Variants in IGDCC4 observed in about 807,000 individuals in gnomAD.
The protein encoded by IGDCC4 is immunoglobulin superfamily DCC subclass member 4.
Under a neutral mutation model 116.6 loss-of-function variants are expected in IGDCC4, and 72 were observed. That is an observed-to-expected ratio of 0.62 (90% CI 0.51 to 0.75). IGDCC4 has a LOEUF of 0.75. Ranked by LOEUF, IGDCC4 falls within the 30% of genes least tolerant of loss-of-function variation. The pLI is 0.00. For missense variants in IGDCC4, 1,501 were observed against 1,662.4 expected (o/e 0.90, Z 1.69); for synonymous variants, 709 against 719.9 (o/e 0.98, Z 0.24).
In IGDCC4 at chr15:65,394,524, G is replaced by A. The variant is rs765248585; in HGVS notation, c.1601C>T (p.Ser534Phe). The A allele has an allele frequency of 8.7e-6, 14 of 1,609,958 alleles. No individual in the cohort carries two copies. Among genetic ancestry groups the A allele is most frequent in the Non-Finnish European group, 1.2e-5 (14 of 1,177,784 alleles). ...DDVPSAAPQLSLSSPNPSDIR... is the reference protein window; with the variant it reads ...DDVPSAAPQLFLSSPNPSDIR... ...GTCCGAAGGGTTGGGGCTGGACAGG[G>A]AGAGCTGGGGTGCTGCACTGGGGAC... The change falls in exon 9 of 20, where the codon TCC becomes TTC. Residue 534 changes from serine to phenylalanine, a missense_variant. Physicochemically the swap from Ser to Phe is radical, Grantham distance 155 (BLOSUM62 -2). This residue lies in a region of IGDCC4 where 898 missense variants were observed against 978.9 expected (regional missense o/e 0.92). Transcript: ENST00000352385.
chr15:65,388,681 C>G, intron 15 of IGDCC4, 95 bp from the exon 16 acceptor site: 9 of 1,592,984 alleles, frequency 5.6e-6, no homozygotes, highest in Non-Finnish European at 7.7e-6. Context: ...CTGCTCTCCA[C>G]TTAGGCAGCA....
In IGDCC4 at chr15:65,394,563, C is replaced by T. The variant is rs780755155; in HGVS notation, c.1577-15G>A. ...TGCACTGGGGACTGAGACAGAAGAA[C>T]ATCAGCATGAGCTCTGCTCCACCGA... On this transcript the variant is annotated splice_polypyrimidine_tract_variant and intron_variant, in intron 8 of 19. Coordinates refer to ENST00000352385, the MANE Select transcript of IGDCC4 (RefSeq NM_020962.3). 2 of 1,586,214 alleles carry T rather than the reference C, an allele frequency of 1.3e-6. No individual in the cohort carries two copies.
chr15:65,405,307 G>T (rs1353201553), intron 3 of IGDCC4, among the ~76,000 whole-genome samples: 2 of 121,370 alleles, frequency 1.6e-5, no homozygotes, highest in South Asian at 2.5e-4. Flanking sequence ...CCTGTTAAGT[G>T]GGTTTTTTTT....
At position 65,391,866 on chromosome 15, in the gene IGDCC4, C is replaced by T. The variant is rs1278981129; in HGVS notation, c.2224+14G>A. ...ACCTGAGCCCTCCCCGCCTTCTTCC[C>T]CCACCGCCCTCACCTGGTGCCGGCG... On this transcript the variant is annotated intron_variant, in intron 12 of 19. Coordinates refer to ENST00000352385, the MANE Select transcript of IGDCC4 (RefSeq NM_020962.3). 3.7e-6 allele frequency: 6 copies of T among 1,610,462 alleles called. No individual in the cohort carries two copies. The highest frequency in any genetic ancestry group is 5.1e-6 in the Non-Finnish European group (6 of 1,177,998).
chr15:65,399,020 T>C (rs565949646), intron 5 of IGDCC4, among the ~76,000 whole-genome samples: 24 of 152,310 alleles, frequency 1.6e-4, no homozygotes, highest in Non-Finnish European at 2.6e-4. Flanking sequence ...CTTCTCTTCC[T>C]AGGTGTCAGG....
chr15:65,387,366 T>C (rs1183556789), intron 16 of IGDCC4, among the ~76,000 whole-genome samples: 2 of 152,024 alleles, frequency 1.3e-5, no homozygotes, highest in African/African-American at 4.8e-5. Flanking sequence ...TTTTTGTTTT[T>C]GAGACGGAGT....
At chr15:65,387,984 G>A (rs935054786) in intron 16 of IGDCC4, among the ~76,000 whole-genome samples, 12 of 151,966 alleles carry the variant, frequency 7.9e-5, no homozygotes, top group African/African-American at 2.7e-4. Context: ...GGTGGCTCAC[G>A]CCTGTAATCC....
At chr15:65,416,541 G>A (rs765141493) in intron 1 of IGDCC4, among the ~76,000 whole-genome samples, 1 of 152,102 alleles carries the variant, frequency 6.6e-6, no homozygotes, top group African/African-American at 2.4e-5. Context: ...GCGATGCTCT[G>A]GGGAGGGGAC....
At chr15:65,410,423 C>CCCGCATGG in intron 2 of IGDCC4, 104 bp from the exon 3 acceptor site, 2 of 1,390,124 alleles carry the variant, frequency 1.4e-6, no homozygotes, top group East Asian at 2.4e-5. Flanking sequence ...CAGAAACACA[C>CCCGCATGG]AGTCACAGAA....
intron 6 of IGDCC4, 62 bp from the exon 7 acceptor site, chr15:65,396,225 C>A (rs1282569780): frequency 3.6e-6 from 5 of 1,383,502 alleles, no homozygotes; most frequent in Non-Finnish European, 4.7e-6. Context: ...TGCCCCCCCC[C>A]CAGTACCCCA....
chr15:65,390,370 G>A (rs1173430142), intron 12 of IGDCC4, 32 bp from the exon 13 acceptor site: 2 of 1,534,710 alleles, frequency 1.3e-6, no homozygotes, highest in Non-Finnish European at 1.8e-6. Flanking sequence ...GTGAGGAAGG[G>A]AGGGAGGATA....
chr15:65,388,126 C>A (rs1386923079), intron 16 of IGDCC4, among the ~76,000 whole-genome samples: 1 of 151,894 alleles, frequency 6.6e-6, no homozygotes, highest in Non-Finnish European at 1.5e-5. Flanking sequence ...TGCCTGTAAT[C>A]CCAGCTATTT....
At chr15:65,391,189 C>T (rs749185461) in intron 12 of IGDCC4, among the ~76,000 whole-genome samples, 9 of 152,104 alleles carry the variant, frequency 5.9e-5, no homozygotes, top group Non-Finnish European at 1.0e-4. Context: ...GAGATCATAC[C>T]ATTGCACTCC....
In IGDCC4 at chr15:65,385,904, A is replaced by C. The variant is rs1463448838; in HGVS notation, c.3107T>G (p.Val1036Gly). The C allele has an allele frequency of 6.2e-7, 1 of 1,612,418 alleles. No individual in the cohort carries two copies. Among genetic ancestry groups the C allele is most frequent in the Non-Finnish European group, 8.5e-7 (1 of 1,179,928 alleles). ...GCTGTGCACTTCAGCCCTGTCCTCC[A>C]CGTCTGAGGGTGGCGGGGACCAGTC... is the stretch of plus-strand genomic sequence containing the variant. ...PQDWSPPPSD[V>G]EDRAEVHSLM... is the part of the protein sequence containing the mutation. Residue 1036 changes from valine (V) to glycine (G), a missense_variant, in exon 18 of 20, where the codon GTG (valine) becomes GGG (glycine). By Grantham distance (109) the Val-to-Gly change is moderately radical (BLOSUM62 -3). Transcript: ENST00000352385.
Position 65,415,251 on chromosome 15 carries a change from C to A in IGDCC4, c.71-3881G>T, listed in dbSNP as rs581986. Reference sequence around the variant, plus strand: ...GAGCCCTCCGGCAGCCTCCCTGCCCCCTAAAGCATGTCCCAGGCTTGGAAA... The same window carrying A: ...GAGCCCTCCGGCAGCCTCCCTGCCCACTAAAGCATGTCCCAGGCTTGGAAA... On this transcript the variant is annotated intron_variant, in intron 1 of 19. Transcript: ENST00000352385. Among the ~76,000 whole-genome samples the A allele has an allele frequency of 5.9e-3, 891 of 152,298 alleles. 10 individuals carry two copies. Among genetic ancestry groups the A allele is most frequent in the African/African-American group, 0.021 (855 of 41,566 alleles).
Position 65,422,927 on chromosome 15 carries a change from G to A in IGDCC4, c.-65C>T, listed in dbSNP as rs1054343145. The A allele has an allele frequency of 7.3e-6, 7 of 964,670 alleles. No individual in the cohort carries two copies. The highest frequency in any genetic ancestry group is 8.6e-6 in the Non-Finnish European group (7 of 813,430). The allele number at this position is 964,670 out of a possible 1,614,324, so 59.8% of individuals were successfully genotyped here. A position where few individuals can be genotyped will look rare whatever the true frequency, so the allele number is the denominator to read the frequency against. The stretch of plus-strand genomic sequence containing the variant: ...CGTGCTTCGGCCGCCGCCGCGGGGG[G>A]AGAGCGCGCCGGGCGTCAGTGGCCC... On this transcript the variant is annotated 5_prime_UTR_variant, in exon 1 of 20. Transcript: ENST00000352385.
chr15:65,396,243 C>A, intron 6 of IGDCC4, 80 bp from the exon 7 acceptor site: 1 of 1,341,742 alleles, frequency 7.5e-7, no homozygotes, highest in Non-Finnish European at 9.9e-7. Flanking sequence ...CCAAGCCTGC[C>A]CCCCACCGCC....
Position 65,410,183 on chromosome 15 carries a change from C to T in IGDCC4, c.558G>A (p.Glu186=). 6.2e-7 allele frequency: 1 copy of T among 1,612,946 alleles called. No homozygotes were observed. Among genetic ancestry groups the T allele is most frequent in the Non-Finnish European group, 8.5e-7 (1 of 1,180,004 alleles). The change falls in exon 3 of 20, where the codon GAG becomes GAA. Residue 186 remains glutamate (E), a synonymous_variant. Transcript: ENST00000352385. ...CTCCCCTACAGGGCACTCACCGAGGCTCCTCAGGCAATGTCACCTGGTCCT... is the reference window on the plus strand; with the variant it reads ...CTCCCCTACAGGGCACTCACCGAGGTTCCTCAGGCAATGTCACCTGGTCCT... The part of the protein sequence containing the change: ...WEKDQVTLPE[E]PRLIVLPNGV...
intron 5 of IGDCC4, among the ~76,000 whole-genome samples, chr15:65,399,059 G>A (rs767420920): frequency 3.3e-5 from 5 of 152,056 alleles, no homozygotes; most frequent in East Asian, 1.9e-4. Flanking sequence ...TCTCAAATCC[G>A]TACTGTGCAC....
Sources: gnomAD v4.1 joint callset for allele counts (sites outside exome capture counted in the v4.1 genomes callset) on GRCh38, gnomAD v4.1.1 for gene constraint, gnomAD v4.1.1 regional missense constraint, MANE v1.5 for transcripts, NCBI Gene and HGNC (gene_info 2026-07-23, HGNC 2026-07-21) for gene names.